Variants in BCL2L15 observed in about 807,000 individuals in gnomAD.
The protein encoded by BCL2L15 is bcl-2-like protein 15.
A neutral mutation model predicts 18.3 loss-of-function variants in BCL2L15; 15 were observed. That is an observed-to-expected ratio of 0.82 (90% CI 0.55 to 1.26). The LOEUF is 1.26. Ranked by LOEUF, BCL2L15 falls within the 50% of genes most tolerant of loss-of-function variation. The probability of loss-of-function intolerance (pLI) is 0.00; values close to 1 mark genes in which losing one functional copy is unlikely to be tolerated. For synonymous variants in BCL2L15, 58 were observed against 68.5 expected, an observed-to-expected ratio of 0.85 and a Z score of 0.76; for missense variants, 180 against 201.7, an observed-to-expected ratio of 0.89 and a Z score of 0.65.
rs577246135 is a variant in BCL2L15, at chr1:113,877,755, C to G, written c.*3368G>C. 8.5e-4 allele frequency among the ~76,000 whole-genome samples: 130 copies of G among 152,224 alleles called. No homozygotes were observed. The highest frequency in any genetic ancestry group is 1.5e-3 in the Non-Finnish European group (100 of 68,010). On this transcript the variant is annotated 3_prime_UTR_variant, in exon 4 of 4. Transcript: ENST00000393316. ...ATCTATTGAAAGCCTAAGTAGGAGG[C>G]TTTATTAATAGTCCAGGCAGTTGCT...
At chr1:113,883,968 T>G (rs1397833382) in intron 2 of BCL2L15, among the ~76,000 whole-genome samples, 1 of 152,188 alleles carries the variant, frequency 6.6e-6, no homozygotes, top group African/African-American at 2.4e-5. Flanking sequence ...AGCATCTAAA[T>G]TAATAATGAT....
Position 113,879,549 on chromosome 1 carries a change from A to C in BCL2L15, c.*1574T>G, listed in dbSNP as rs1441162419. On this transcript the variant is annotated 3_prime_UTR_variant, in exon 4 of 4. Transcript: ENST00000393316. ...GAAACTGTGGATTATGCAAGAACTA[A>C]CAAACATATGGAGACTAAGTTCCCA... 1 of 152,354 alleles carries C rather than the reference A, an allele frequency of 6.6e-6. No individual in the cohort carries two copies. Among genetic ancestry groups the C allele is most frequent in the Non-Finnish European group, 1.5e-5 (1 of 68,048 alleles). The allele number at this position is 152,354 out of a possible 1,614,324, so 9.4% of individuals were successfully genotyped here.
Position 113,882,007 on chromosome 1 carries a change from G to A in BCL2L15, c.250-10C>T. The stretch of plus-strand genomic sequence containing the variant: ...GGAGTATAGCTCCTGTCTGAGGAAA[G>A]ACAAAGGAAACATCAACAGAGTATC... On this transcript the variant is annotated splice_polypyrimidine_tract_variant and intron_variant, in intron 2 of 3. Coordinates refer to ENST00000393316, the MANE Select transcript of BCL2L15 (RefSeq NM_001010922.3). 6.2e-7 allele frequency: 1 copy of A among 1,608,196 alleles called. No homozygotes were observed. Among genetic ancestry groups the A allele is most frequent in the Non-Finnish European group, 8.5e-7 (1 of 1,175,388 alleles).
chr1:113,878,336 C>G lies in BCL2L15; in HGVS notation c.*2787G>C, dbSNP rs1198449280. On this transcript the variant is annotated 3_prime_UTR_variant, in exon 4 of 4. Coordinates refer to ENST00000393316, the MANE Select transcript of BCL2L15 (RefSeq NM_001010922.3). The stretch of plus-strand genomic sequence containing the variant: ...AACTAAAGTGTTAAAATCAGGCAAT[C>G]TGAATCCATTTTTAATTCCTGGGTT... 1 of 152,324 alleles carries G rather than the reference C, an allele frequency of 6.6e-6. No homozygotes were observed. Among genetic ancestry groups the G allele is most frequent in the Admixed American group, 6.5e-5 (1 of 15,280 alleles). The allele number at this position is 152,324 out of a possible 1,614,324, so 9.4% of individuals were successfully genotyped here. A position where few individuals can be genotyped will look rare whatever the true frequency, so the allele number is the denominator to read the frequency against.
chr1:113,881,402 A>AAC, intron 3 of BCL2L15: 1 of 1,189,916 alleles, frequency 8.4e-7, no homozygotes, highest in African/African-American at 1.5e-5. Context: ...TGACTTCCCT[A>AAC]ACACACACAT....
Position 113,881,034 on chromosome 1 carries a change from TTTTA to T in BCL2L15, c.*85_*88del, listed in dbSNP as rs1666864077. The T allele has an allele frequency of 6.3e-7, 1 of 1,594,368 alleles. No individual in the cohort carries two copies. Among genetic ancestry groups the T allele is most frequent in the Non-Finnish European group, 8.6e-7 (1 of 1,164,362 alleles). On this transcript the variant is annotated 3_prime_UTR_variant, in exon 4 of 4. Transcript: ENST00000393316. ...TTCTGATAAAATGAAAAAAGTGCTT[TTTTA>T]TTTGTTTGTTTGAATTCCCAGGAAT...
rs773788198 is a variant in BCL2L15 at position 113,877,968 on chromosome 1, T to C, written c.*3155A>G. Among the ~76,000 whole-genome samples, 16 of 152,160 alleles carry C rather than the reference T, an allele frequency of 1.1e-4. No individual in the cohort carries two copies. Among genetic ancestry groups the C allele is most frequent in the Non-Finnish European group, 2.2e-4 (15 of 68,032 alleles). ...AATAAATAATAAGCATCTGTGGGTATGGAATTGAGAAGGGAAATAAATCAT... is the reference window on the plus strand; with the variant it reads ...AATAAATAATAAGCATCTGTGGGTACGGAATTGAGAAGGGAAATAAATCAT... On this transcript the variant is annotated 3_prime_UTR_variant, in exon 4 of 4. Coordinates refer to ENST00000393316, the MANE Select transcript of BCL2L15 (RefSeq NM_001010922.3).
rs1173050273 is a variant in BCL2L15, at chr1:113,887,394, A to G, written c.-19T>C. On this transcript the variant is annotated 5_prime_UTR_variant, in exon 1 of 4. Coordinates refer to ENST00000393316, the MANE Select transcript of BCL2L15 (RefSeq NM_001010922.3). ...TCTTCATTTTAGATGTTTGCTGTCAAGTTTTGCTTTTCCACGAAACAAGCA... is the reference window on the plus strand; with the variant it reads ...TCTTCATTTTAGATGTTTGCTGTCAGGTTTTGCTTTTCCACGAAACAAGCA... 6.2e-7 allele frequency: 1 copy of G among 1,613,912 alleles called. No homozygotes were observed.
Position 113,879,764 on chromosome 1 carries a change from AT to A in BCL2L15, c.*1358del, listed in dbSNP as rs1174647513. ...ACCAGCCATATGGTCTTCTATAATC[AT>A]TCAACTCTGCCATTGTAGCACAAAA... On this transcript the variant is annotated 3_prime_UTR_variant, in exon 4 of 4. Transcript: ENST00000393316. 6.6e-6 allele frequency: 1 copy of A among 152,234 alleles called. No individual in the cohort carries two copies. Among genetic ancestry groups the A allele is most frequent in the Non-Finnish European group, 1.5e-5 (1 of 68,026 alleles). 9.4% of individuals were successfully genotyped at this position (152,234 alleles called of 1,614,324 possible).
In BCL2L15 at chr1:113,881,772, C is replaced by A; in HGVS notation, c.474+1G>T. 6.2e-7 allele frequency: 1 copy of A among 1,612,822 alleles called. No individual in the cohort carries two copies. Among genetic ancestry groups the A allele is most frequent in the East Asian group, 2.2e-5 (1 of 44,838 alleles). On this transcript the variant is annotated splice_donor_variant, in intron 3 of 3. Transcript: ENST00000393316. LOFTEE classifies it high-confidence loss of function. ...AAAACCAGGAGCCCCAACAAACTTA[C>A]CCAACCTCCCTGGCCCTGGATGAAC...
At position 113,882,097 on chromosome 1, in the gene BCL2L15, A is replaced by T. The variant is rs184474505; in HGVS notation, c.250-100T>A. 1.7e-4 allele frequency: 140 copies of T among 840,504 alleles called. No homozygotes were observed. The African/African-American group carries it at 1.9e-3, about 11-fold the overall frequency. The allele number at this position is 840,504 out of a possible 1,614,324, so 52.1% of individuals were successfully genotyped here. A position where few individuals can be genotyped will look rare whatever the true frequency, so the allele number is the denominator to read the frequency against. ...TAAAGCAATTGTTTCTTAGAGTGCC[A>T]AATGTGCAACTGGTGGTAACTAAGG... On this transcript the variant is annotated intron_variant, in intron 2 of 3. Transcript: ENST00000393316.
chr1:113,881,414 G>C, intron 3 of BCL2L15: 1 of 1,229,350 alleles, frequency 8.1e-7, no homozygotes, highest in Non-Finnish European at 1.1e-6. Context: ...CACACACATA[G>C]AGAAGTTAGG....
At chr1:113,882,904 C>T (rs1666921586) in intron 2 of BCL2L15, among the ~76,000 whole-genome samples, 1 of 152,198 alleles carries the variant, frequency 6.6e-6, no homozygotes, top group Non-Finnish European at 1.5e-5. Flanking sequence ...TGAGCCACTA[C>T]ACTCCAGCCT....
At chr1:113,885,497 C>G (rs1558071393) in intron 2 of BCL2L15, among the ~76,000 whole-genome samples, 1 of 151,970 alleles carries the variant, frequency 6.6e-6, no homozygotes, top group Non-Finnish European at 1.5e-5. Context: ...TCTTGGCTCG[C>G]TGCAACCTCC....
chr1:113,881,745 G>A, intron 3 of BCL2L15, 28 bp downstream of exon 3: 1 of 1,606,658 alleles, frequency 6.2e-7, no homozygotes, highest in Non-Finnish European at 8.5e-7. Flanking sequence ...CAAATACCTA[G>A]CAAAACCAGG....
chr1:113,883,909 T>G (rs1666957976), intron 2 of BCL2L15, among the ~76,000 whole-genome samples: 1 of 152,172 alleles, frequency 6.6e-6, no homozygotes, highest in African/African-American at 2.4e-5. Flanking sequence ...ATCAAAGAGA[T>G]GCAGTCTAGA....
chr1:113,881,250 G>A (rs1174538681), intron 3 of BCL2L15, 110 bp from the exon 4 acceptor site: 6 of 1,497,100 alleles, frequency 4.0e-6, no homozygotes, highest in Admixed American at 3.5e-5. Flanking sequence ...TCTTATTAAG[G>A]CTTTCACTGA....
At chr1:113,885,239 A>G (rs1666989644) in intron 2 of BCL2L15, among the ~76,000 whole-genome samples, 1 of 149,388 alleles carries the variant, frequency 6.7e-6, no homozygotes, top group Non-Finnish European at 1.5e-5. Flanking sequence ...TACAGGCATG[A>G]GCCACAGCAC....
intron 2 of BCL2L15, among the ~76,000 whole-genome samples, chr1:113,882,488 T>C (rs1666905284): frequency 6.6e-6 from 1 of 151,324 alleles, no homozygotes; most frequent in Non-Finnish European, 1.5e-5. Context: ...CTACTAAAAA[T>C]ACAAAAATTA....
Sources: allele counts gnomAD v4.1 joint callset (sites outside exome capture counted in the v4.1 genomes callset), GRCh38; gene constraint gnomAD v4.1.1; transcripts MANE v1.5; gene names NCBI Gene and HGNC (gene_info 2026-07-23, HGNC 2026-07-21).